The following PDXK variants were observed in gnomAD, a reference collection of about 807,000 sequenced individuals.
The protein encoded by PDXK is epididymis secretory sperm binding protein Li 1a.
A neutral mutation model predicts 43.2 loss-of-function variants in PDXK; 15 were observed. That is an observed-to-expected ratio of 0.35 (90% confidence interval 0.23 to 0.53). PDXK has a LOEUF of 0.53. Ranked by LOEUF, PDXK falls within the 20% of genes least tolerant of loss-of-function variation. PDXK has a pLI of 0.92. For synonymous variants in PDXK, 172 were observed against 165.4 expected (o/e 1.04, Z -0.31); for missense variants, 343 against 417.0 (o/e 0.82, Z 1.54).
At chr21:43,755,092 C>A (rs564629284) in intron 9 of PDXK, among the ~76,000 whole-genome samples, 10 of 152,210 alleles carry the variant, frequency 6.6e-5, no homozygotes, top group African/African-American at 2.2e-4. Flanking sequence ...ACTGCCAGGC[C>A]GCCCAAGGTC....
At chr21:43,740,865 A>G (rs1383461121) in intron 2 of PDXK, among the ~76,000 whole-genome samples, 1 of 151,180 alleles carries the variant, frequency 6.6e-6, no homozygotes, top group Non-Finnish European at 1.5e-5. Context: ...TGGGGACATA[A>G]CAAGCCCTAC....
chr21:43,746,190 G>A lies in PDXK; in HGVS notation c.378+65G>A, dbSNP rs1430683646. 3.1e-6 allele frequency: 4 copies of A among 1,287,356 alleles called. No individual in the cohort carries two copies. The African/African-American group carries it at 5.8e-5, about 19-fold the overall frequency. 79.7% of individuals were successfully genotyped at this position (1,287,356 alleles called of 1,614,324 possible). ...TGGAGCTATTCCTGTCCAGCCAGAA[G>A]ACAGGCCCACATCTCTAAGTGTCTA... On this transcript the variant is annotated intron_variant, in intron 5 of 10. Coordinates refer to ENST00000291565, the MANE Select transcript of PDXK (RefSeq NM_003681.5).
intron 5 of PDXK, 70 bp from the exon 6 acceptor site, chr21:43,748,925 C>T (rs2083685354): frequency 1.1e-6 from 1 of 924,456 alleles, no homozygotes; most frequent in African/African-American, 1.7e-5. Flanking sequence ...TGGTGGGCTT[C>T]CCTCCGCGCC....
chr21:43,737,268 GCCCA>G lies in PDXK; in HGVS notation c.142+3148_142+3151del. On this transcript the variant is annotated intron_variant, in intron 2 of 10. Coordinates refer to ENST00000291565, the MANE Select transcript of PDXK (RefSeq NM_003681.5). This position sits in a 1 kb window ranked among gnomAD's most constrained non-coding sequence, Gnocchi z 4.8. ...AGCCGATCCCCCAAGTGCCTGCAGAGCCCACCTGGCGCAGGCCTCGCCGCCTCGA... is the reference window on the plus strand; with the variant it reads ...AGCCGATCCCCCAAGTGCCTGCAGAGCCTGGCGCAGGCCTCGCCGCCTCGA... The G allele has an allele frequency of 1.4e-6, 2 of 1,418,854 alleles. No individual in the cohort carries two copies. Among genetic ancestry groups the G allele is most frequent in the Non-Finnish European group, 1.8e-6 (2 of 1,089,866 alleles). The allele number at this position is 1,418,854 out of a possible 1,614,324, so 87.9% of individuals were successfully genotyped here.
chr21:43,759,853 C>A lies in PDXK; in HGVS notation c.*3790C>A, dbSNP rs2083905750. The A allele has an allele frequency of 6.6e-6, 1 of 152,230 alleles. No individual in the cohort carries two copies. Among genetic ancestry groups the A allele is most frequent in the South Asian group, 2.1e-4 (1 of 4,828 alleles). 9.4% of individuals were successfully genotyped at this position (152,230 alleles called of 1,614,324 possible). ...GAGAGGCGGCTCCCGTGTCCGTCCA[C>A]CGAGCACTCAGATGGATGCTGATCA... is the stretch of plus-strand genomic sequence containing the variant. On this transcript the variant is annotated 3_prime_UTR_variant, in exon 11 of 11. Transcript: ENST00000291565.
At chr21:43,728,659 G>A (rs2083278746) in intron 1 of PDXK, 1 of 950,198 alleles carries the variant, frequency 1.1e-6, no homozygotes, top group Non-Finnish European at 1.3e-6. Flanking sequence ...GCGCACGTGG[G>A]CCCTGGGAGG....
chr21:43,743,647 C>T lies in PDXK; in HGVS notation c.248-77C>T, dbSNP rs2083585910. 7.1e-6 allele frequency: 7 copies of T among 984,424 alleles called. No individual in the cohort carries two copies. In the East Asian group the frequency reaches 2.0e-4, roughly 28 times the overall value. The allele number at this position is 984,424 out of a possible 1,614,324, so 61.0% of individuals were successfully genotyped here. On this transcript the variant is annotated intron_variant, in intron 3 of 10. Coordinates refer to ENST00000291565, the MANE Select transcript of PDXK (RefSeq NM_003681.5). ...CACCCCTCTGCAGGGTCTGCTGGTG[C>T]TTCTCTTTCTTTGTGCCACAGTTGA...
chr21:43,749,514 G>A (rs1189140794), intron 6 of PDXK, among the ~76,000 whole-genome samples: 7 of 152,282 alleles, frequency 4.6e-5, no homozygotes, highest in Non-Finnish European at 7.3e-5. Flanking sequence ...TTTAGCTTAC[G>A]AAGTGGTTCT....
chr21:43,750,889 C>T (rs370396199), intron 7 of PDXK, among the ~76,000 whole-genome samples: 11 of 147,054 alleles, frequency 7.5e-5, no homozygotes, highest in Non-Finnish European at 1.3e-4. Context: ...TGTCCATGGG[C>T]GTGTGGGCAT....
intron 4 of PDXK, among the ~76,000 whole-genome samples, chr21:43,745,124 A>G (rs914900998): frequency 3.3e-5 from 5 of 152,210 alleles, no homozygotes; most frequent in Admixed American, 3.3e-4. Flanking sequence ...TCATCGCGGT[A>G]GAAAGCAGAC....
intron 2 of PDXK, among the ~76,000 whole-genome samples, chr21:43,736,431 C>T (rs1025755824): frequency 5.3e-5 from 8 of 152,122 alleles, no homozygotes; most frequent in African/African-American, 1.4e-4. Flanking sequence ...CACAAGCAGC[C>T]GTGCGGACAC....
chr21:43,736,629 G>GTTTTTTTTT (rs34234452), intron 2 of PDXK, among the ~76,000 whole-genome samples: 11 of 118,646 alleles, frequency 9.3e-5, no homozygotes, highest in African/African-American at 3.4e-4. Flanking sequence ...TCCTTTTTCT[G>GTTTTTTTTT]TTTTTTTTTT....
intron 1 of PDXK, among the ~76,000 whole-genome samples, chr21:43,724,532 C>G (rs2083234621): frequency 6.6e-6 from 1 of 152,108 alleles, no homozygotes; most frequent in African/African-American, 2.4e-5. Context: ...GAGCTGATTT[C>G]TATCCTCAAA....
At chr21:43,726,824 C>G (rs1254605027) in intron 1 of PDXK, among the ~76,000 whole-genome samples, 1 of 151,114 alleles carries the variant, frequency 6.6e-6, no homozygotes, top group African/African-American at 2.4e-5. Flanking sequence ...TTTGTGTACA[C>G]TGTGTGTGTA....
intron 9 of PDXK, chr21:43,755,467 T>A: frequency 1.7e-6 from 1 of 574,458 alleles, no homozygotes; most frequent in Non-Finnish European, 3.1e-6. Flanking sequence ...CCATCTCTTG[T>A]CCAGAGCAGG....
intron 1 of PDXK, chr21:43,728,916 C>T: frequency 1.0e-6 from 1 of 985,406 alleles, no homozygotes; most frequent in East Asian, 1.1e-4. Flanking sequence ...TCCCACTGGC[C>T]TGGACTCTGC....
At chr21:43,733,985 C>G in intron 1 of PDXK, 84 bp from the exon 2 acceptor site, 1 of 1,379,668 alleles carries the variant, frequency 7.2e-7, no homozygotes, top group South Asian at 1.2e-5. Flanking sequence ...ATTTACTCCC[C>G]TCTTCTGAGT....
chr21:43,754,585 GC>G lies in PDXK; in HGVS notation c.759+871del, dbSNP rs1175501028. 1.3e-5 allele frequency among the ~76,000 whole-genome samples: 2 copies of G among 152,132 alleles called. No individual in the cohort carries two copies. The highest frequency in any genetic ancestry group is 2.9e-5 in the Non-Finnish European group (2 of 68,000). ...AGGTGGTCCCCAGCCCCTGGGCTCA[GC>G]CCCCAAAACTCCCCTGGGTACTTCC... On this transcript the variant is annotated intron_variant, in intron 9 of 10. Transcript: ENST00000291565. The surrounding 1 kb of genome is among the most constrained non-coding windows in gnomAD (Gnocchi z 5.5).
intron 1 of PDXK, among the ~76,000 whole-genome samples, chr21:43,731,597 T>A (rs2083318780): frequency 6.6e-6 from 1 of 152,070 alleles, no homozygotes; most frequent in Admixed American, 6.5e-5. Context: ...GCACCTGGCC[T>A]GTCTTTGTTG....
Sources: allele counts gnomAD v4.1 joint callset (sites outside exome capture counted in the v4.1 genomes callset), GRCh38; gene constraint gnomAD v4.1.1; non-coding constraint Gnocchi (gnomAD v3.1); transcripts MANE v1.5; gene names NCBI Gene and HGNC (gene_info 2026-07-23, HGNC 2026-07-21).